ITFG1: variants seen among roughly 807,000 people sequenced by gnomAD.
ITFG1 encodes T-cell immunomodulatory protein.
ITFG1 carries 34 observed loss-of-function variants against 81.8 expected under a neutral mutation model. That is an observed-to-expected ratio of 0.42 (90% confidence interval 0.32 to 0.55). The LOEUF (loss-of-function observed/expected upper bound fraction) is 0.55. ITFG1 is among the 20% of genes least tolerant of loss of function. ITFG1 has a pLI of 0.17. For synonymous variants in ITFG1, 285 were observed against 270.6 expected (o/e 1.05, Z -0.52); for missense variants, 672 against 755.4 (o/e 0.89, Z 1.29).
intron 6 of ITFG1, among the ~76,000 whole-genome samples, chr16:47,389,661 G>C (rs1377042678): frequency 6.6e-6 from 1 of 152,082 alleles, no homozygotes; most frequent in African/African-American, 2.4e-5. Context: ...ACAATAAGGG[G>C]GAAAGAGAAT....
chr16:47,310,342 T>A (rs959967177), intron 10 of ITFG1, among the ~76,000 whole-genome samples: 7 of 152,152 alleles, frequency 4.6e-5, no homozygotes, highest in African/African-American at 1.7e-4. Flanking sequence ...AATATGGAGC[T>A]GAATCATTAG....
intron 12 of ITFG1, among the ~76,000 whole-genome samples, chr16:47,257,224 T>C (rs1477507942): frequency 1.3e-5 from 2 of 152,220 alleles, no homozygotes; most frequent in African/African-American, 4.8e-5. Flanking sequence ...AAGTTGTCTA[T>C]GTAGAAAATC....
chr16:47,297,865 A>C (rs1967007863), intron 10 of ITFG1, among the ~76,000 whole-genome samples: 1 of 152,112 alleles, frequency 6.6e-6, no homozygotes, highest in South Asian at 2.1e-4. Flanking sequence ...CTTATATTTG[A>C]ATGTGTAAAT....
At chr16:47,430,518 TTA>T (rs1156233404) in intron 5 of ITFG1, among the ~76,000 whole-genome samples, 2 of 152,196 alleles carry the variant, frequency 1.3e-5, no homozygotes, top group Non-Finnish European at 2.9e-5. Flanking sequence ...TCTAAGAGTT[TTA>T]TAGTTTTAGC....
At chr16:47,365,919 G>T in intron 7 of ITFG1, 50 bp from the exon 8 acceptor site, 2 of 979,836 alleles carry the variant, frequency 2.0e-6, no homozygotes, top group Non-Finnish European at 3.3e-6. Context: ...CCACTCATTT[G>T]TTAAGTGTAA....
chr16:47,396,973 T>A (rs1228051825), intron 6 of ITFG1, among the ~76,000 whole-genome samples: 3 of 152,120 alleles, frequency 2.0e-5, no homozygotes, highest in African/African-American at 7.2e-5. Flanking sequence ...GTTAGACAAC[T>A]GTCCAGAAGA....
intron 10 of ITFG1, among the ~76,000 whole-genome samples, chr16:47,300,472 A>G (rs985404130): frequency 3.3e-5 from 5 of 152,172 alleles, no homozygotes; most frequent in African/African-American, 1.2e-4. Context: ...AAAGAAGGAT[A>G]AGGTTCCTGG....
At chr16:47,457,916 T>G (rs924379973) in intron 2 of ITFG1, among the ~76,000 whole-genome samples, 25 of 152,226 alleles carry the variant, frequency 1.6e-4, no homozygotes, top group African/African-American at 5.5e-4. Context: ...AAGTTCCTGT[T>G]TATCCATTTA....
At chr16:47,188,772 A>G (rs879804550) in intron 14 of ITFG1, among the ~76,000 whole-genome samples, 13 of 147,042 alleles carry the variant, frequency 8.8e-5, no homozygotes, top group Non-Finnish European at 1.5e-4. Flanking sequence ...AAGTATAATA[A>G]GAAAAAAAAA....
intron 14 of ITFG1, among the ~76,000 whole-genome samples, chr16:47,200,793 G>A (rs1023669031): frequency 6.6e-6 from 1 of 152,162 alleles, no homozygotes; most frequent in Non-Finnish European, 1.5e-5. Context: ...TGAAACTTTG[G>A]TGGTGGGGCC....
In ITFG1 at chr16:47,393,095, G is replaced by A. The variant is rs145902610; in HGVS notation, c.656-17155C>T. ...AAATTTGACCAGCTAGTAGAGGGAGGAGAAACAAATATTAAGAGATGCAGA... is the reference window on the plus strand; with the variant it reads ...AAATTTGACCAGCTAGTAGAGGGAGAAGAAACAAATATTAAGAGATGCAGA... On this transcript the variant is annotated intron_variant, in intron 6 of 17. Transcript: ENST00000320640. Among the ~76,000 whole-genome samples the A allele has an allele frequency of 5.8e-3, 879 of 152,320 alleles. 7 individuals are homozygous for A. Among genetic ancestry groups the A allele is most frequent in the African/African-American group, 0.02 (838 of 41,574 alleles).
At chr16:47,203,526 G>A (rs1276631254) in intron 14 of ITFG1, among the ~76,000 whole-genome samples, 1 of 152,244 alleles carries the variant, frequency 6.6e-6, no homozygotes, top group African/African-American at 2.4e-5. Flanking sequence ...ATCTGGGGGT[G>A]ATGGGAGACA....
intron 8 of ITFG1, among the ~76,000 whole-genome samples, chr16:47,349,807 G>A (rs1199137786): frequency 6.6e-6 from 1 of 152,164 alleles, no homozygotes; most frequent in African/African-American, 2.4e-5. Flanking sequence ...CACATAGTTG[G>A]AAGTAAAGCA....
At chr16:47,183,191 C>T (rs1488541530) in intron 14 of ITFG1, among the ~76,000 whole-genome samples, 3 of 152,198 alleles carry the variant, frequency 2.0e-5, no homozygotes, top group East Asian at 1.9e-4. Context: ...AAGGCGGCAG[C>T]GAGGCTGGGG....
chr16:47,157,764 G>A (rs1354337983), intron 17 of ITFG1, among the ~76,000 whole-genome samples: 4 of 152,128 alleles, frequency 2.6e-5, no homozygotes, highest in Non-Finnish European at 5.9e-5. Context: ...TTTTTCATAT[G>A]TTAAAAGAAC....
intron 14 of ITFG1, among the ~76,000 whole-genome samples, chr16:47,172,235 A>G (rs1389653519): frequency 6.6e-6 from 1 of 152,194 alleles, no homozygotes; most frequent in Non-Finnish European, 1.5e-5. Flanking sequence ...CTGTAATCCC[A>G]GCATTTTGGG....
chr16:47,302,633 CA>C (rs1337349923), intron 10 of ITFG1, among the ~76,000 whole-genome samples: 1 of 152,076 alleles, frequency 6.6e-6, no homozygotes. Context: ...AAGCTGTTAC[CA>C]AGAAATTAAA....
chr16:47,244,292 A>T (rs1965970550), intron 12 of ITFG1, among the ~76,000 whole-genome samples: 1 of 152,186 alleles, frequency 6.6e-6, no homozygotes. Flanking sequence ...ACCCTGATTC[A>T]TGGCCAGTTA....
At chr16:47,418,792 T>C (rs1416849390) in intron 6 of ITFG1, among the ~76,000 whole-genome samples, 2 of 152,236 alleles carry the variant, frequency 1.3e-5, no homozygotes, top group Non-Finnish European at 2.9e-5. Context: ...CTTTGTAGTA[T>C]ATGTCTGTAG....
Sources: allele counts gnomAD v4.1 joint callset (sites outside exome capture counted in the v4.1 genomes callset), GRCh38; gene constraint gnomAD v4.1.1; transcripts MANE v1.5; gene names NCBI Gene and HGNC (gene_info 2026-07-23, HGNC 2026-07-21).